The following ERCC1 variants were observed in gnomAD, a reference collection of about 807,000 sequenced individuals.
ERCC1 encodes the protein ERCC excision repair 1, endonuclease non-catalytic subunit, also known as DNA excision repair protein ERCC-1.
ERCC1 carries 36 observed loss-of-function variants against 37.6 expected under a neutral mutation model. The observed-to-expected ratio is 0.96, with a 90% CI of 0.73 to 1.26. ERCC1 has a LOEUF of 1.26. Ranked by LOEUF, ERCC1 falls within the 50% of genes most tolerant of loss-of-function variation. The pLI, the probability that ERCC1 is intolerant of heterozygous loss-of-function variation, is 0.00. For missense variants in ERCC1, 349 were observed against 376.5 expected (o/e 0.93, Z 0.60); for synonymous variants, 156 against 162.1 (o/e 0.96, Z 0.28).
intron 1 of ERCC1, among the ~76,000 whole-genome samples, chr19:45,433,166 G>A (rs764093743): frequency 2.0e-5 from 3 of 152,190 alleles, no homozygotes; most frequent in Non-Finnish European, 4.4e-5. Flanking sequence ...AAGGCAGGCA[G>A]ATCACTTGAG....
rs751702020 is a variant in ERCC1 at position 45,420,451 on chromosome 19, G to A, written c.322-24C>T. ...CTCTGGGGAGGGACGAAGGGCAGAAGCCATCAATAGGGATGACCCTTGATA... is the reference window on the plus strand; with the variant it reads ...CTCTGGGGAGGGACGAAGGGCAGAAACCATCAATAGGGATGACCCTTGATA... On this transcript the variant is annotated intron_variant, in intron 3 of 9. Coordinates refer to ENST00000300853, the MANE Select transcript of ERCC1 (RefSeq NM_001983.4). This position sits in a 1 kb window ranked among gnomAD's most constrained non-coding sequence, Gnocchi z 4.8. 1 of 1,473,658 alleles carries A rather than the reference G, an allele frequency of 6.8e-7. No homozygotes were observed. The highest frequency in any genetic ancestry group is 1.1e-5 in the South Asian group (1 of 86,966). 91.3% of individuals were successfully genotyped at this position (1,473,658 alleles called of 1,614,324 possible).
chr19:45,413,710 A>T lies in ERCC1; in HGVS notation c.810T>A (p.Asp270Glu). The part of the protein sequence containing the change: ...LEQLIAASRE[D>E]LALCPGLGPQ... Reference sequence around the variant, plus strand: ...GGCCCAGGCCTGGGCATAAGGCCAGATCTTCTCTTGATGCGGCGATGAGCT... The same window carrying T: ...GGCCCAGGCCTGGGCATAAGGCCAGTTCTTCTCTTGATGCGGCGATGAGCT... Residue 270 changes from aspartate (D) to glutamate (E), a missense_variant, in exon 9 of 10, where the codon GAT (aspartate) becomes GAA (glutamate). Transcript: ENST00000300853. 1 of 1,614,000 alleles carries T rather than the reference A, an allele frequency of 6.2e-7. No homozygotes were observed. Among genetic ancestry groups the T allele is most frequent in the Non-Finnish European group, 8.5e-7 (1 of 1,180,034 alleles).
Position 45,409,286 on chromosome 19 carries a change from C to G in ERCC1, c.*389G>C, listed in dbSNP as rs779058845. On this transcript the variant is annotated 3_prime_UTR_variant, in exon 10 of 10. Transcript: ENST00000300853. ...TCACACAGTGACTGAGCCAATTCAG[C>G]CACTAGAGCCTGAACTGCCAGGGGA... 1.2e-5 allele frequency: 19 copies of G among 1,613,898 alleles called. 1 individual carries two copies. In the Middle Eastern group the frequency reaches 6.6e-4, roughly 56 times the overall value.
chr19:45,426,879 G>C (rs1474107319), upstream of ERCC1, among the ~76,000 whole-genome samples: 1 of 144,920 alleles, frequency 6.9e-6, no homozygotes, highest in Non-Finnish European at 1.5e-5. Flanking sequence ...AGAATCACTT[G>C]AACCCGGGAG....
chr19:45,433,147 T>C (rs1051698967), intron 1 of ERCC1, among the ~76,000 whole-genome samples: 2 of 152,222 alleles, frequency 1.3e-5, no homozygotes, highest in African/African-American at 4.8e-5. Context: ...CCCAGCACTT[T>C]GGGAGAACAA....
At chr19:45,451,440 C>T (rs1472051355) in intron 1 of ERCC1, among the ~76,000 whole-genome samples, 2 of 152,182 alleles carry the variant, frequency 1.3e-5, no homozygotes, top group Admixed American at 1.3e-4. Context: ...CCAAAGCCCT[C>T]CCGTTCCTTT....
In ERCC1 at chr19:45,419,199, T is replaced by C; in HGVS notation, c.426-2A>G. ...GGGTGCAGGTTGTGGTAGCGGAGGC[T>C]GGTGGGGGCAGGGAGCGGGAGTTGA... On this transcript the variant is annotated splice_acceptor_variant, in intron 4 of 9. Transcript: ENST00000300853. LOFTEE classifies it high-confidence loss of function. The C allele has an allele frequency of 6.3e-7, 1 of 1,586,292 alleles. No individual in the cohort carries two copies. The highest frequency in any genetic ancestry group is 8.6e-7 in the Non-Finnish European group (1 of 1,164,670).
At chr19:45,425,612 T>TG (rs1289797942), upstream of ERCC1, among the ~76,000 whole-genome samples, 1 of 151,832 alleles carries the variant, frequency 6.6e-6, no homozygotes, top group African/African-American at 2.4e-5. Context: ...TCAAGTGATC[T>TG]GCCCACCTCA....
rs1342563495 is a variant in ERCC1, at chr19:45,409,361, A to C, written c.*314T>G. 1 of 1,614,120 alleles carries C rather than the reference A, an allele frequency of 6.2e-7. No homozygotes were observed. The highest frequency in any genetic ancestry group is 1.7e-5 in the Admixed American group (1 of 60,004). ...TCCGGGATCCACCAAGAAGAGGAAG[A>C]AGCAGAGTCAGGAAAGCCGGATGCC... On this transcript the variant is annotated 3_prime_UTR_variant, in exon 10 of 10. Transcript: ENST00000300853.
At chr19:45,429,771 C>G (rs2123566742) in intron 1 of ERCC1, among the ~76,000 whole-genome samples, 1 of 152,100 alleles carries the variant, frequency 6.6e-6, no homozygotes, top group South Asian at 2.1e-4. Flanking sequence ...AGGGCAATTC[C>G]TTTATTTTTA....
At chr19:45,421,128 C>T (rs369767037) in intron 3 of ERCC1, 50 bp downstream of exon 3, 17 of 1,507,580 alleles carry the variant, frequency 1.1e-5, no homozygotes, top group Middle Eastern at 2.1e-4. Context: ...CCTAGAACAG[C>T]GTTTCCCACT....
chr19:45,409,718 C>A lies in ERCC1; in HGVS notation c.851G>T (p.Arg284Met). 1.2e-6 allele frequency: 1 copy of A among 853,760 alleles called. No homozygotes were observed. Among genetic ancestry groups the A allele is most frequent in the Non-Finnish European group, 2.1e-6 (1 of 486,140 alleles). 52.9% of individuals were successfully genotyped at this position (853,760 alleles called of 1,614,324 possible). A position where few individuals can be genotyped will look rare whatever the true frequency, so the allele number is the denominator to read the frequency against. The change falls in exon 10 of 10, where the codon AGG becomes ATG. Residue 284 changes from arginine to methionine, a missense_variant. Arg to Met is a moderately conservative substitution (Grantham distance 91). Transcript: ENST00000300853. ...CPGLGPQKAR[R>M]LFDVLHEPFL... ...GGGCTCGTGCAGGACATCAAACAGCCTCCGGGCCTGGATGGGAGGGAGAAA... is the reference window on the plus strand; with the variant it reads ...GGGCTCGTGCAGGACATCAAACAGCATCCGGGCCTGGATGGGAGGGAGAAA...
At chr19:45,418,603 A>T (rs766771349) in intron 5 of ERCC1, among the ~76,000 whole-genome samples, 6 of 151,942 alleles carry the variant, frequency 3.9e-5, no homozygotes, top group Non-Finnish European at 7.4e-5. Context: ...TGGGTGGATC[A>T]CCTGAGGTCA....
Position 45,420,501 on chromosome 19 carries a change from T to A in ERCC1, c.322-74A>T. 1.1e-6 allele frequency: 1 copy of A among 896,704 alleles called. No homozygotes were observed. The highest frequency in any genetic ancestry group is 1.8e-6 in the Non-Finnish European group (1 of 547,652). 55.5% of individuals were successfully genotyped at this position (896,704 alleles called of 1,614,324 possible). ...AACCACAGGGCCCTCCTCCACCTCT[T>A]CTTGCACCTCCTCCCTCCTCCCACC... is the stretch of plus-strand genomic sequence containing the variant. On this transcript the variant is annotated intron_variant, in intron 3 of 9. Transcript: ENST00000300853. The surrounding 1 kb of genome is among the most constrained non-coding windows in gnomAD (Gnocchi z 4.8).
chr19:45,445,304 C>G (rs753825029), intron 1 of ERCC1, among the ~76,000 whole-genome samples: 4 of 152,182 alleles, frequency 2.6e-5, no homozygotes, highest in Non-Finnish European at 4.4e-5. Flanking sequence ...GTGTGAGCCA[C>G]GGCACCTGCC....
intron 8 of ERCC1, 66 bp from the exon 9 acceptor site, chr19:45,413,811 G>C: frequency 6.2e-7 from 1 of 1,606,358 alleles, no homozygotes; most frequent in East Asian, 2.2e-5. Flanking sequence ...CAGCTGAGGA[G>C]GGGCCTCAGA....
rs764806220 is a variant in ERCC1, at chr19:45,413,974, T to G, written c.763A>C (p.Thr255Pro). ...VNKTDSQTLL[T>P]TFGSLEQLIA... ...GAGCCATTCCTTACTCCAAATGTGGTCAGGAGGGTCTGACTGTCCGTTTTG... is the reference window on the plus strand; with the variant it reads ...GAGCCATTCCTTACTCCAAATGTGGGCAGGAGGGTCTGACTGTCCGTTTTG... Residue 255 changes from threonine to proline, a missense_variant, in exon 8 of 10, where the codon ACC (threonine) becomes CCC (proline). Thr to Pro is a conservative substitution (Grantham distance 38). Transcript: ENST00000300853. The G allele has an allele frequency of 6.2e-7, 1 of 1,613,148 alleles. No homozygotes were observed. Among genetic ancestry groups the G allele is most frequent in the South Asian group, 1.1e-5 (1 of 91,048 alleles).
At chr19:45,421,119 C>T in intron 3 of ERCC1, 59 bp downstream of exon 3, 2 of 1,459,878 alleles carry the variant, frequency 1.4e-6, no homozygotes, top group Non-Finnish European at 9.6e-7. Flanking sequence ...GGAGTCATCC[C>T]TAGAACAGCG....
chr19:45,450,235 A>G (rs999973691), intron 1 of ERCC1, among the ~76,000 whole-genome samples: 3 of 152,136 alleles, frequency 2.0e-5, no homozygotes, highest in Admixed American at 6.6e-5. Context: ...ATACAGGTCC[A>G]CAAGCATGCC....
Sources: gnomAD v4.1 joint callset for allele counts (sites outside exome capture counted in the v4.1 genomes callset) on GRCh38, gnomAD v4.1.1 for gene constraint, Gnocchi (gnomAD v3.1) non-coding constraint, MANE v1.5 for transcripts, NCBI Gene and HGNC (gene_info 2026-07-23, HGNC 2026-07-21) for gene names.